Variants in TMEM135 observed in about 807,000 individuals in gnomAD.
TMEM135 encodes the protein transmembrane protein 135, also known as peroxisomal membrane protein 52.
TMEM135 carries 30 observed loss-of-function variants against 60.3 expected under a neutral mutation model. That is an observed-to-expected ratio of 0.50 (90% CI 0.37 to 0.68). TMEM135 has a LOEUF of 0.68. Ranked by LOEUF, TMEM135 falls within the 30% of genes least tolerant of loss-of-function variation. TMEM135 has a pLI of 0.00. For synonymous variants in TMEM135, 190 were observed against 186.7 expected (o/e 1.02, Z -0.14); for missense variants, 468 against 548.8 (o/e 0.85, Z 1.47).
intron 5 of TMEM135, among the ~76,000 whole-genome samples, chr11:87,177,878 G>A (rs989473803): frequency 6.6e-6 from 1 of 152,136 alleles, no homozygotes; most frequent in Non-Finnish European, 1.5e-5. Flanking sequence ...TATAGGTTCA[G>A]TAATTCTCTG....
chr11:87,154,440 T>C (rs1938638824), intron 4 of TMEM135, among the ~76,000 whole-genome samples: 1 of 152,210 alleles, frequency 6.6e-6, no homozygotes, highest in Non-Finnish European at 1.5e-5. Flanking sequence ...ACTGTGAACA[T>C]ATGCAGATAT....
intron 6 of TMEM135, among the ~76,000 whole-genome samples, chr11:87,246,213 A>G (rs1591134937): frequency 6.8e-6 from 1 of 146,898 alleles, no homozygotes; most frequent in African/African-American, 2.6e-5. Context: ...GTTTCTGCCA[A>G]GAGATCCGCT....
chr11:87,314,630 C>G lies in TMEM135; in HGVS notation c.1077+83C>G. ...ACTGTTTTAGCAGCAAATGTATATC[C>G]CAATGGCAAACATAAATTTTAATCC... On this transcript the variant is annotated intron_variant, in intron 12 of 14. Transcript: ENST00000305494. 6.5e-6 allele frequency: 7 copies of G among 1,084,666 alleles called. No individual in the cohort carries two copies. In the South Asian group the frequency reaches 9.1e-5, roughly 14 times the overall value. 67.2% of individuals were successfully genotyped at this position (1,084,666 alleles called of 1,614,324 possible).
Position 87,064,069 on chromosome 11 carries a change from A to G in TMEM135, c.142-3625A>G, listed in dbSNP as rs140996458. Among the ~76,000 whole-genome samples the G allele has an allele frequency of 1.8e-3, 269 of 152,280 alleles. 3 individuals are homozygous for G. Among genetic ancestry groups the G allele is most frequent in the African/African-American group, 6.1e-3 (253 of 41,564 alleles). ...GGTTTTCCAAGGGGACCACAATTTT[A>G]TATTGTCATGAGCAATATATGAGAA... On this transcript the variant is annotated intron_variant, in intron 1 of 14. Coordinates refer to ENST00000305494, the MANE Select transcript of TMEM135 (RefSeq NM_022918.4).
rs1415558350 is a variant in TMEM135 at position 87,327,961 on chromosome 11, C to T, written c.*6628C>T. 1 of 454,032 alleles carries T rather than the reference C, an allele frequency of 2.2e-6. No homozygotes were observed. Among genetic ancestry groups the T allele is most frequent in the Non-Finnish European group, 4.4e-6 (1 of 226,772 alleles). 28.1% of individuals were successfully genotyped at this position (454,032 alleles called of 1,614,324 possible). A position where few individuals can be genotyped will look rare whatever the true frequency, so the allele number is the denominator to read the frequency against. Reference sequence around the variant, plus strand: ...GTGCCTGCCCATATTGAGGGCAGATCTTCTCTGCCTAGTCCACGCTAACTC... The same window carrying T: ...GTGCCTGCCCATATTGAGGGCAGATTTTCTCTGCCTAGTCCACGCTAACTC... On this transcript the variant is annotated 3_prime_UTR_variant, in exon 15 of 15. Transcript: ENST00000305494.
chr11:87,240,011 G>A (rs1490736226), intron 6 of TMEM135, among the ~76,000 whole-genome samples: 2 of 152,004 alleles, frequency 1.3e-5, no homozygotes, highest in Admixed American at 6.6e-5. Context: ...TAAGGCTTAC[G>A]TTCAAATGGA....
chr11:87,177,342 T>A (rs1314598246), intron 5 of TMEM135, among the ~76,000 whole-genome samples: 1 of 152,194 alleles, frequency 6.6e-6, no homozygotes, highest in Non-Finnish European at 1.5e-5. Context: ...CCTTCATTTC[T>A]TGTTATTTTT....
intron 5 of TMEM135, among the ~76,000 whole-genome samples, chr11:87,222,922 G>C (rs563113966): frequency 6.6e-6 from 1 of 152,034 alleles, no homozygotes; most frequent in Admixed American, 6.6e-5. Context: ...ATTCAACATC[G>C]TTACATCTTG....
chr11:87,222,180 T>TAAAAAAAAAAAA (rs1565491298), intron 5 of TMEM135, among the ~76,000 whole-genome samples: 2 of 13,882 alleles, frequency 1.4e-4, no homozygotes, highest in Non-Finnish European at 2.2e-4. Flanking sequence ...AGACTCTGTC[T>TAAAAAAAAAAAA]CAAAAAAAAA....
chr11:87,212,715 C>A (rs1940401370), intron 5 of TMEM135, among the ~76,000 whole-genome samples: 1 of 151,100 alleles, frequency 6.6e-6, no homozygotes, highest in Non-Finnish European at 1.5e-5. Flanking sequence ...CCCAGCTACT[C>A]AAGAGGCTGA....
At chr11:87,255,599 G>A (rs1202098980) in intron 6 of TMEM135, among the ~76,000 whole-genome samples, 1 of 151,914 alleles carries the variant, frequency 6.6e-6, no homozygotes, top group Non-Finnish European at 1.5e-5. Flanking sequence ...GATTGTGCCT[G>A]TGAGTAGACA....
chr11:87,155,735 G>T (rs555756473), intron 4 of TMEM135, among the ~76,000 whole-genome samples: 1 of 152,312 alleles, frequency 6.6e-6, no homozygotes, highest in East Asian at 1.9e-4. Context: ...GGGACAGGGA[G>T]ACAAAGGAAC....
At position 87,106,421 on chromosome 11, in the gene TMEM135, G is replaced by A. The variant is rs566259222; in HGVS notation, c.396+15026G>A. ...ACCCGGCTAACTGACAGTATTTCAA[G>A]TGAAATATTCTTTTAATGTATTAAT... On this transcript the variant is annotated intron_variant, in intron 4 of 14. Transcript: ENST00000305494. Among the ~76,000 whole-genome samples the A allele has an allele frequency of 1.6e-3, 241 of 152,218 alleles. 2 individuals carry two copies. The highest frequency in any genetic ancestry group is 5.6e-3 in the African/African-American group (231 of 41,544).
chr11:87,308,875 GTTTGCTTTTTCAAGTTTAGTT>G (rs1942594817), intron 9 of TMEM135, among the ~76,000 whole-genome samples: 1 of 152,216 alleles, frequency 6.6e-6, no homozygotes, highest in South Asian at 2.1e-4. Flanking sequence ...TTTGTAGTGG[GTTTGCTTTTTCAAGTTTAGTT>G]TAATATACTT....
chr11:87,222,870 A>G (rs1477096173), intron 5 of TMEM135, among the ~76,000 whole-genome samples: 1 of 152,156 alleles, frequency 6.6e-6, no homozygotes, highest in Non-Finnish European at 1.5e-5. Context: ...TCTCTAATCT[A>G]TAAACTGTTA....
chr11:87,312,956 CT>C (rs1942666853), intron 10 of TMEM135, among the ~76,000 whole-genome samples: 2 of 151,866 alleles, frequency 1.3e-5, no homozygotes, highest in Admixed American at 1.3e-4. Flanking sequence ...TTCCTTCTAC[CT>C]TTAACATTTC....
Position 87,323,097 on chromosome 11 carries a change from T to C in TMEM135, c.*1764T>C, listed in dbSNP as rs1443956553. On this transcript the variant is annotated 3_prime_UTR_variant, in exon 15 of 15. Transcript: ENST00000305494. ...GTCAGGTTTAAAAAGATGTTTTAAT[T>C]CATAAATTATTGTTTTCATTGACAT... is the stretch of plus-strand genomic sequence containing the variant. The C allele has an allele frequency of 8.8e-6, 4 of 453,616 alleles. No homozygotes were observed. Among genetic ancestry groups the C allele is most frequent in the Non-Finnish European group, 4.4e-6 (1 of 226,610 alleles). 28.1% of individuals were successfully genotyped at this position (453,616 alleles called of 1,614,324 possible).
chr11:87,316,089 G>C (rs1199235011), intron 12 of TMEM135, among the ~76,000 whole-genome samples: 3 of 151,976 alleles, frequency 2.0e-5, no homozygotes, highest in Non-Finnish European at 2.9e-5. Flanking sequence ...AGGTGCTAGA[G>C]GTTATTTGCT....
intron 1 of TMEM135, among the ~76,000 whole-genome samples, chr11:87,054,953 C>A (rs1030447269): frequency 2.0e-5 from 3 of 152,076 alleles, no homozygotes; most frequent in Admixed American, 2.0e-4. Flanking sequence ...CTCTTATCTA[C>A]CCTTATTTCA....
Sources: gnomAD v4.1 joint callset for allele counts (sites outside exome capture counted in the v4.1 genomes callset) on GRCh38, gnomAD v4.1.1 for gene constraint, MANE v1.5 for transcripts, NCBI Gene and HGNC (gene_info 2026-07-23, HGNC 2026-07-21) for gene names.